SAMD5: variants seen among roughly 807,000 people sequenced by gnomAD.
The protein encoded by SAMD5 is sterile alpha motif domain-containing protein 5.
In SAMD5, 13 loss-of-function variants were observed where a neutral mutation model predicts 11.3. The observed-to-expected ratio is 1.15, with a 90% CI of 0.75 to 1.83. SAMD5 has a LOEUF of 1.83. Among genes scored for constraint, SAMD5 ranks in the 40% most tolerant of loss-of-function variants. The pLI, the probability that SAMD5 is intolerant of heterozygous loss-of-function variation, is 0.00. For missense variants in SAMD5, 255 were observed against 239.1 expected (o/e 1.07, Z -0.44); for synonymous variants, 129 against 111.3 (o/e 1.16, Z -1.00).
chr6:147,898,001 T>C, the SAMD5 span, among the ~76,000 whole-genome samples: 1 of 142,770 alleles, frequency 7.0e-6, no homozygotes, highest in Non-Finnish European at 1.5e-5. Flanking sequence ...GAATGTAGGA[T>C]GCCAGCTGCA....
chr6:147,828,848 A>G, the SAMD5 span, among the ~76,000 whole-genome samples: 1 of 152,210 alleles, frequency 6.6e-6, no homozygotes, highest in Non-Finnish European at 1.5e-5. Flanking sequence ...TCAAGGGAAG[A>G]TAACAGCCTT....
chr6:147,796,174 T>G, the SAMD5 span, among the ~76,000 whole-genome samples: 1 of 150,664 alleles, frequency 6.6e-6, no homozygotes, highest in Non-Finnish European at 1.5e-5. Flanking sequence ...TGCCTAGGTT[T>G]TCTTCTAGGG....
chr6:147,609,626 T>C lies in SAMD5; in HGVS notation c.162+100239T>C, dbSNP rs570525346. Among the ~76,000 whole-genome samples the C allele has an allele frequency of 9.9e-5, 15 of 152,280 alleles. No individual in the cohort carries two copies. In the South Asian group the frequency reaches 3.1e-3, roughly 32 times the overall value. ...GTGCACTGGTACAATCTCGGCTCACTGCCACCTGCAACCTCCGCTTCCCAG... is the reference window on the plus strand; with the variant it reads ...GTGCACTGGTACAATCTCGGCTCACCGCCACCTGCAACCTCCGCTTCCCAG... On this transcript the variant is annotated intron_variant, in intron 1 of 1. Coordinates refer to the SAMD5 transcript ENST00000566741.
At chr6:147,706,836 T>C (rs182951472) in intron 1 of SAMD5, among the ~76,000 whole-genome samples, 57 of 152,334 alleles carry the variant, frequency 3.7e-4, no homozygotes, top group South Asian at 6.2e-4. Flanking sequence ...AATTCACTCA[T>C]TGGGACAATG....
At chr6:147,717,383 G>A (rs189921256) in intron 1 of SAMD5, among the ~76,000 whole-genome samples, 52 of 152,274 alleles carry the variant, frequency 3.4e-4, no homozygotes, top group African/African-American at 1.1e-3. Flanking sequence ...TCATGGATCC[G>A]TAAAATCCAG....
intron 1 of SAMD5, among the ~76,000 whole-genome samples, chr6:147,655,753 A>C (rs926725299): frequency 1.3e-5 from 2 of 152,200 alleles, no homozygotes; most frequent in Non-Finnish European, 2.9e-5. Flanking sequence ...CTAGTTACAA[A>C]GCTGTTTTCA....
chr6:147,857,539 T>G, the SAMD5 span, among the ~76,000 whole-genome samples: 21,018 of 151,672 alleles, frequency 0.14, 1,781 homozygotes, highest in African/African-American at 0.17. Context: ...ATGATAATAA[T>G]GACAATGATG....
the SAMD5 span, among the ~76,000 whole-genome samples, chr6:147,842,165 A>G: frequency 2.6e-5 from 4 of 152,132 alleles, no homozygotes; most frequent in African/African-American, 7.2e-5. Context: ...GAAAAAATTA[A>G]CGACTGTTTT....
In SAMD5 at chr6:147,568,222, T is replaced by G; in HGVS notation, c.*3766T>G. 1 of 985,276 alleles carries G rather than the reference T, an allele frequency of 1.0e-6. No individual in the cohort carries two copies. Among genetic ancestry groups the G allele is most frequent in the Non-Finnish European group, 1.2e-6 (1 of 829,888 alleles). The allele number at this position is 985,276 out of a possible 1,614,324, so 61.0% of individuals were successfully genotyped here. On this transcript the variant is annotated 3_prime_UTR_variant, in exon 2 of 2. Transcript: ENST00000367474. ...TGGTGGATCGGCAAACTCTTTTCTA[T>G]GAAAAGAAAAACCAGATATACCAGG...
At chr6:147,591,089 A>AC (rs1158372864) in intron 1 of SAMD5, among the ~76,000 whole-genome samples, 58 of 152,250 alleles carry the variant, frequency 3.8e-4, no homozygotes, top group African/African-American at 1.3e-3. Context: ...GACAGAAAAA[A>AC]TTACTTATCT....
chr6:147,918,688 CT>C, the SAMD5 span, among the ~76,000 whole-genome samples: 28 of 99,420 alleles, frequency 2.8e-4, no homozygotes, highest in East Asian at 8.8e-4. Context: ...CACAAGCATT[CT>C]TTTTTTTTTT....
chr6:147,851,008 G>A, the SAMD5 span, among the ~76,000 whole-genome samples: 1 of 149,940 alleles, frequency 6.7e-6, no homozygotes, highest in Non-Finnish European at 1.5e-5. Context: ...GTGCAGTGGC[G>A]TGATCTTGGC....
downstream of SAMD5, among the ~76,000 whole-genome samples, chr6:147,571,233 T>C (rs1562323742): frequency 6.6e-6 from 1 of 152,204 alleles, no homozygotes. Context: ...AAATGTACTT[T>C]TTAAAAATGG....
At chr6:147,751,121 G>A in the SAMD5 span, among the ~76,000 whole-genome samples, 4 of 152,124 alleles carry the variant, frequency 2.6e-5, 1 homozygote, top group African/African-American at 2.4e-5. Flanking sequence ...CCCATCTCAG[G>A]GCCTTTGCAC....
the SAMD5 span, among the ~76,000 whole-genome samples, chr6:147,806,157 A>G: frequency 6.6e-6 from 1 of 152,168 alleles, no homozygotes; most frequent in African/African-American, 2.4e-5. Context: ...GACACATGGT[A>G]TCTTCCAGGG....
At chr6:147,620,211 A>G (rs9497823) in intron 1 of SAMD5, among the ~76,000 whole-genome samples, 65,968 of 151,656 alleles carry the variant, frequency 0.43, 15,011 homozygotes, top group East Asian at 0.58. Context: ...TCTCCACGCC[A>G]CTTCTGCAGC....
chr6:147,530,345 T>A lies in SAMD5; in HGVS notation c.459+20958T>A, dbSNP rs189999469. 9.2e-5 allele frequency among the ~76,000 whole-genome samples: 14 copies of A among 152,372 alleles called. No individual in the cohort carries two copies. In the East Asian group the frequency reaches 2.5e-3, roughly 27 times the overall value. ...AGCACTGCCCATGTGCAGGGACGTT[T>A]TACTTGTCAAGATTTACCTCGGAAG... On this transcript the variant is annotated intron_variant, in intron 1 of 1. Transcript: ENST00000367474.
chr6:147,784,205 T>A, the SAMD5 span, among the ~76,000 whole-genome samples: 2 of 152,230 alleles, frequency 1.3e-5, no homozygotes, highest in African/African-American at 2.4e-5. Context: ...AGGGAATTTT[T>A]TTTTTAAGCT....
In SAMD5 at chr6:147,569,785, T is replaced by C; in HGVS notation, c.*5329T>C. ...CTTGGAAAATCTACATGTGTATATC[T>C]GAGTAGCGAAGCACAGATTCACTCT... On this transcript the variant is annotated 3_prime_UTR_variant, in exon 2 of 2. Coordinates refer to ENST00000367474, the MANE Select transcript of SAMD5 (RefSeq NM_001030060.3). 1 of 985,448 alleles carries C rather than the reference T, an allele frequency of 1.0e-6. No homozygotes were observed. Among genetic ancestry groups the C allele is most frequent in the Non-Finnish European group, 1.2e-6 (1 of 829,910 alleles). The allele number at this position is 985,448 out of a possible 1,614,324, so 61.0% of individuals were successfully genotyped here. A position where few individuals can be genotyped will look rare whatever the true frequency, so the allele number is the denominator to read the frequency against.
Sources: allele counts gnomAD v4.1 joint callset (sites outside exome capture counted in the v4.1 genomes callset), GRCh38; gene constraint gnomAD v4.1.1; transcripts MANE v1.5; gene names NCBI Gene and HGNC (gene_info 2026-07-23, HGNC 2026-07-21).